Variants in BRCA1 observed in about 807,000 individuals in gnomAD.
BRCA1 encodes BRCA1 DNA repair associated, also known as breast cancer type 1 susceptibility protein.
In BRCA1, 140 loss-of-function variants were observed where a neutral mutation model predicts 173.7. The observed-to-expected ratio is 0.81, with a 90% CI of 0.70 to 0.93. The LOEUF (loss-of-function observed/expected upper bound fraction) is 0.93. Ranked by LOEUF, BRCA1 falls within the 40% of genes least tolerant of loss-of-function variation. The pLI, the probability that BRCA1 is intolerant of heterozygous loss-of-function variation, is 0.00. For missense variants in BRCA1, 1,983 were observed against 2,172.5 expected (o/e 0.91, Z 1.73); for synonymous variants, 662 against 756.0 (o/e 0.88, Z 2.04).
Position 43,093,852 on chromosome 17 carries a change from T to A in BRCA1, c.1679A>T (p.Asp560Val), listed in dbSNP as rs1567798739. The A allele has an allele frequency of 6.2e-7, 1 of 1,613,710 alleles. No individual in the cohort carries two copies. ...NSGHENKTKG[D>V]SIQNEKNPNP... ...AGGATTTTTCTCATTCTGAATAGAA[T>A]CACCTTTTGTTTTATTCTCATGACC... Residue 560 changes from aspartate to valine, a missense_variant, in exon 10 of 23, where the codon GAT becomes GTT. By Grantham distance (152) the Asp-to-Val change is radical. Coordinates refer to ENST00000357654, the MANE Select transcript of BRCA1 (RefSeq NM_007294.4).
intron 15 of BRCA1, 41 bp downstream of exon 15, chr17:43,070,887 T>C: frequency 6.2e-7 from 1 of 1,605,998 alleles, no homozygotes; most frequent in Non-Finnish European, 8.5e-7. Context: ...AGAATGTTGT[T>C]AAGTCTTAGT....
At chr17:43,162,108 A>G (rs2154581736) in intron 1 of BRCA1, 2 of 152,266 alleles carry the variant, frequency 1.3e-5, no homozygotes, top group Admixed American at 1.3e-4. Flanking sequence ...ACTAGCTCTA[A>G]GGGGTTACAT....
chr17:43,110,160 C>T (rs2054972404), intron 3 of BRCA1, among the ~76,000 whole-genome samples: 1 of 152,128 alleles, frequency 6.6e-6, no homozygotes, highest in Admixed American at 6.6e-5. Context: ...TCCCAAAGTG[C>T]TGGGATTACA....
At chr17:43,149,693 C>T (rs937364358) in intron 1 of BRCA1, among the ~76,000 whole-genome samples, 6 of 152,310 alleles carry the variant, frequency 3.9e-5, no homozygotes, top group African/African-American at 1.4e-4. Flanking sequence ...AAGGCATAGC[C>T]AAATTGGAAA....
Position 43,067,609 on chromosome 17 carries a change from T to C in BRCA1, c.5073A>G (p.Thr1691=), listed in dbSNP as rs80356853. 1 of 1,607,416 alleles carries C rather than the reference T, an allele frequency of 6.2e-7. No individual in the cohort carries two copies. The highest frequency in any genetic ancestry group is 8.5e-7 in the Non-Finnish European group (1 of 1,173,898). Residue 1691 remains threonine (T), a splice_region_variant and synonymous_variant, in exon 16 of 23, where the codon ACA becomes ACG. Transcript: ENST00000357654. ...ATTCTGTAAAGGTTCTTGGTATACC[T>C]GTTTTCATAACAACATGAGTAGTCT... ...TEETTHVVMK[T]DAEFVCERTL... is the part of the protein sequence containing the mutation.
At chr17:43,128,041 A>AAG (rs2055929615), upstream of BRCA1, among the ~76,000 whole-genome samples, 1 of 150,342 alleles carries the variant, frequency 6.7e-6, no homozygotes, top group African/African-American at 2.4e-5. Context: ...AAAAAAAAAA[A>AAG]AAAAAAAAAT....
chr17:43,155,551 T>C (rs1272908559), intron 1 of BRCA1, among the ~76,000 whole-genome samples: 2 of 151,394 alleles, frequency 1.3e-5, no homozygotes, highest in Admixed American at 6.6e-5. Context: ...TGGGGGGAGA[T>C]GGAGTCTCAC....
chr17:43,068,553 TA>T (rs755171693), intron 15 of BRCA1, among the ~76,000 whole-genome samples: 8,843 of 139,618 alleles, frequency 0.063, 333 homozygotes, highest in Middle Eastern at 0.088. Context: ...TTCATGTCTT[TA>T]AAAAAAAAAA....
intron 3 of BRCA1, chr17:43,112,517 T>A (rs1226135548): frequency 6.6e-6 from 1 of 152,150 alleles, no homozygotes; most frequent in Non-Finnish European, 1.5e-5. Flanking sequence ...GGGGCTGAGA[T>A]GAGAGATTGC....
chr17:43,088,200 G>C lies in BRCA1; in HGVS notation c.4185+2744C>G, dbSNP rs533401739. ...TCATTTTAATCATTTTAAGTGTACA[G>C]TTCAGTGGCATTATTTTCACACTGT... On this transcript the variant is annotated intron_variant, in intron 11 of 22. Transcript: ENST00000357654. Among the ~76,000 whole-genome samples, 7 of 152,260 alleles carry C rather than the reference G, an allele frequency of 4.6e-5. No homozygotes were observed. In the East Asian group the frequency reaches 1.2e-3, roughly 25 times the overall value.
rs1221445457 is a variant in BRCA1 at position 43,045,197 on chromosome 17, C to T, written c.*481G>A. 5.6e-6 allele frequency: 3 copies of T among 536,260 alleles called. No individual in the cohort carries two copies. Among genetic ancestry groups the T allele is most frequent in the African/African-American group, 5.6e-5 (3 of 53,952 alleles). The allele number at this position is 536,260 out of a possible 1,614,324, so 33.2% of individuals were successfully genotyped here. On this transcript the variant is annotated 3_prime_UTR_variant, in exon 23 of 23. Coordinates refer to ENST00000357654, the MANE Select transcript of BRCA1 (RefSeq NM_007294.4). ...GAGAACTGCCCAAGGACTATTCTGA[C>T]TTTAAGTCACATAATCGATCCCAAG...
chr17:43,101,311 C>T lies in BRCA1; in HGVS notation c.442-1431G>A, dbSNP rs111387199. 2.7e-3 allele frequency among the ~76,000 whole-genome samples: 410 copies of T among 152,026 alleles called. 1 individual carries two copies. The highest frequency in any genetic ancestry group is 9.3e-3 in the African/African-American group (384 of 41,438). Reference sequence around the variant, plus strand: ...TCCTGGGTTCAAGTGATCCTCCCACCTCAGCCTCCCAAGGAGCTGGGACTA... The same window carrying T: ...TCCTGGGTTCAAGTGATCCTCCCACTTCAGCCTCCCAAGGAGCTGGGACTA... On this transcript the variant is annotated intron_variant, in intron 6 of 22. Coordinates refer to ENST00000357654, the MANE Select transcript of BRCA1 (RefSeq NM_007294.4).
intron 2 of BRCA1, among the ~76,000 whole-genome samples, chr17:43,117,166 G>A (rs1388094518): frequency 6.6e-6 from 1 of 152,194 alleles, no homozygotes; most frequent in Admixed American, 6.5e-5. Flanking sequence ...TTAAGGCCGG[G>A]CATGGTGCCT....
At position 43,093,571 on chromosome 17, in the gene BRCA1, T is replaced by G. The variant is rs80357355; in HGVS notation, c.1960A>C (p.Lys654Gln). 2.5e-6 allele frequency: 4 copies of G among 1,614,064 alleles called. No homozygotes were observed. The highest frequency in any genetic ancestry group is 3.3e-5 in the Admixed American group (2 of 60,012). ...TGCCTGACTGGCATTTGGTTGTACT[T>G]TTTTTTCTTTATCTCTTCACTGCTA... ...CSSSEEIKKK[K>Q]YNQMPVRHSR... is the part of the protein sequence containing the mutation. Residue 654 changes from lysine to glutamine, a missense_variant, in exon 10 of 23, where the codon AAG becomes CAG. Lys to Gln is a moderately conservative substitution (Grantham distance 53). Coordinates refer to ENST00000357654, the MANE Select transcript of BRCA1 (RefSeq NM_007294.4).
At position 43,074,654 on chromosome 17, in the gene BRCA1, C is replaced by T. The variant is rs147055444; in HGVS notation, c.4485-133G>A. 147 of 803,594 alleles carry T rather than the reference C, an allele frequency of 1.8e-4. 1 individual carries two copies. The East Asian group carries it at 3.5e-3, about 19-fold the overall frequency. 49.8% of individuals were successfully genotyped at this position (803,594 alleles called of 1,614,324 possible). On this transcript the variant is annotated intron_variant, in intron 13 of 22. Transcript: ENST00000357654. ...CAGAAATGACTGGCAAAAAAGAGCC[C>T]GCAAGACAGCCTAGAAGTCTGGATT... is the stretch of plus-strand genomic sequence containing the variant.
At chr17:43,156,844 G>T (rs933704437) in intron 1 of BRCA1, among the ~76,000 whole-genome samples, 2 of 152,198 alleles carry the variant, frequency 1.3e-5, no homozygotes, top group Admixed American at 6.5e-5. Context: ...TATGTAAAAA[G>T]GTAATGAATG....
chr17:43,095,799 C>T, intron 9 of BRCA1, 47 bp downstream of exon 9: 1 of 1,450,524 alleles, frequency 6.9e-7, no homozygotes, highest in Non-Finnish European at 9.7e-7. Context: ...ACTGTATCTA[C>T]CCACTCTCTT....
chr17:43,110,697 G>A (rs2154560162), intron 3 of BRCA1: 1 of 279,562 alleles, frequency 3.6e-6, no homozygotes, highest in South Asian at 3.1e-5. Flanking sequence ...ATTACAGGCT[G>A]GGTGCGGTGG....
At chr17:43,090,398 G>A (rs1320778195) in intron 11 of BRCA1, among the ~76,000 whole-genome samples, 1 of 152,136 alleles carries the variant, frequency 6.6e-6, no homozygotes, top group Non-Finnish European at 1.5e-5. Flanking sequence ...TTTTGAGATG[G>A]AGTCTCACTT....
Sources: allele counts gnomAD v4.1 joint callset (sites outside exome capture counted in the v4.1 genomes callset), GRCh38; gene constraint gnomAD v4.1.1; transcripts MANE v1.5; gene names NCBI Gene and HGNC (gene_info 2026-07-23, HGNC 2026-07-21).